MRM2: variants seen among roughly 807,000 people sequenced by gnomAD.
The protein encoded by MRM2 is rRNA methyltransferase 2, mitochondrial.
MRM2 carries 15 observed loss-of-function variants against 10.9 expected under a neutral mutation model. That is an observed-to-expected ratio of 1.37 (90% CI 0.92 to 2.11). The LOEUF (loss-of-function observed/expected upper bound fraction) is 2.11, where lower values mean the gene tolerates loss of function less well. MRM2 is among the 30% of genes most tolerant of loss of function. The pLI is 0.00. For synonymous variants in MRM2, 139 were observed against 128.7 expected, an observed-to-expected ratio of 1.08 and a Z score of -0.54; for missense variants, 328 against 321.3, an observed-to-expected ratio of 1.02 and a Z score of -0.16.
chr7:2,236,001 G>A (rs899252907), intron 2 of MRM2, among the ~76,000 whole-genome samples: 3 of 151,196 alleles, frequency 2.0e-5, no homozygotes, highest in South Asian at 2.1e-4. Flanking sequence ...AGGCTGACAC[G>A]GGTGGATCAC....
chr7:2,237,784 A>G (rs994171402), intron 2 of MRM2, among the ~76,000 whole-genome samples: 2 of 151,758 alleles, frequency 1.3e-5, no homozygotes, highest in African/African-American at 4.8e-5. Flanking sequence ...TCTACTAAAC[A>G]TACAAAAATT....
chr7:2,242,151 G>A lies in MRM2; in HGVS notation c.8+11C>T, dbSNP rs754225031. 72 of 1,582,226 alleles carry A rather than the reference G, an allele frequency of 4.6e-5. No individual in the cohort carries two copies. The highest frequency in any genetic ancestry group is 1.6e-4 in the East Asian group (7 of 42,470). On this transcript the variant is annotated intron_variant, in intron 1 of 2. Coordinates refer to ENST00000242257, the MANE Select transcript of MRM2 (RefSeq NM_013393.3). ...CGCTGTCTGCACGCGCAGCAGCAGCGCCCAGCTCACCCCGCCATTGGTGTT... is the reference window on the plus strand; with the variant it reads ...CGCTGTCTGCACGCGCAGCAGCAGCACCCAGCTCACCCCGCCATTGGTGTT...
intron 2 of MRM2, chr7:2,238,935 C>A: frequency 5.4e-6 from 1 of 186,540 alleles, no homozygotes; most frequent in Non-Finnish European, 1.0e-5. Flanking sequence ...AGTGAGACTC[C>A]ATCTGGAGGG....
At position 2,235,224 on chromosome 7, in the gene MRM2, C is replaced by G; in HGVS notation, c.639G>C (p.Gln213His). The change falls in exon 3 of 3, where the codon CAG becomes CAC. Residue 213 changes from glutamine (Q) to histidine (H), a missense_variant. Gln to His is a conservative substitution (Grantham distance 24, BLOSUM62 0). Transcript: ENST00000242257. ...RLQRRLTEEF[Q>H]NVRIIKPEAS... ...CTTCAGGTTTGATGATCCTTACATT[C>G]TGGAATTCCTCTGTCAGTCTCCTCT... The G allele has an allele frequency of 6.2e-7, 1 of 1,614,140 alleles. No individual in the cohort carries two copies. The highest frequency in any genetic ancestry group is 8.5e-7 in the Non-Finnish European group (1 of 1,179,984).
At chr7:2,237,451 T>C (rs889536053) in intron 2 of MRM2, among the ~76,000 whole-genome samples, 1 of 152,154 alleles carries the variant, frequency 6.6e-6, no homozygotes, top group Non-Finnish European at 1.5e-5. Context: ...GCTCTCTCCT[T>C]CTGTCACTTC....
intron 2 of MRM2, 39 bp downstream of exon 2, chr7:2,239,377 CAG>C: frequency 6.4e-7 from 1 of 1,573,834 alleles, no homozygotes. Context: ...CACTCAGCCT[CAG>C]GGGAGCCAGA....
At chr7:2,240,062 A>G (rs1794492818) in intron 1 of MRM2, among the ~76,000 whole-genome samples, 1 of 152,120 alleles carries the variant, frequency 6.6e-6, no homozygotes, top group African/African-American at 2.4e-5. Flanking sequence ...GTCTCTACTA[A>G]AATGCAAAAA....
At position 2,239,533 on chromosome 7, in the gene MRM2, C is replaced by T. The variant is rs1327830263; in HGVS notation, c.183G>A (p.Leu61=). Residue 61 remains leucine, a synonymous_variant, in exon 2 of 3, where the codon CTG becomes CTA. Coordinates refer to ENST00000242257, the MANE Select transcript of MRM2 (RefSeq NM_013393.3). ...GAATCTGGTGCCTCTCGTTCACCTC[C>T]AGGAGCTTGAAGGCGCTTCGACACC... ...SYRCRSAFKL[L]EVNERHQILR... The T allele has an allele frequency of 5.0e-6, 8 of 1,614,064 alleles. No individual in the cohort carries two copies. In the East Asian group the frequency reaches 1.1e-4, roughly 22 times the overall value.
In MRM2 at chr7:2,239,596, CCT is replaced by C; in HGVS notation, c.118_119del (p.Arg40GlyfsTer89). 2 of 1,614,116 alleles carry C rather than the reference CCT, an allele frequency of 1.2e-6. No homozygotes were observed. Among genetic ancestry groups the C allele is most frequent in the Non-Finnish European group, 1.7e-6 (2 of 1,180,034 alleles). ...AEHLWLTRHL[R>X]DPFVKAAKVE... is the part of the protein sequence containing the mutation. The stretch of plus-strand genomic sequence containing the variant: ...CCTTCGCAGCCTTCACAAATGGGTC[CCT>C]GAGATGTCGGGTCAGCCACAGGTGC... On this transcript the variant is annotated frameshift_variant, in exon 2 of 3. Transcript: ENST00000242257. LOFTEE classifies it high-confidence loss of function.
At chr7:2,241,948 G>C (rs545463519) in intron 1 of MRM2, 3 of 486,726 alleles carry the variant, frequency 6.2e-6, no homozygotes, top group Non-Finnish European at 1.1e-5. Flanking sequence ...GCCTCCCCAC[G>C]GCCCCGCCGG....
chr7:2,240,624 A>G (rs2115044431), intron 1 of MRM2, among the ~76,000 whole-genome samples: 1 of 152,288 alleles, frequency 6.6e-6, no homozygotes, highest in South Asian at 2.1e-4. Context: ...TTCACAGCCC[A>G]CAATAGCTAA....
intron 1 of MRM2, 27 bp downstream of exon 1, chr7:2,242,135 C>T: frequency 1.3e-6 from 2 of 1,583,016 alleles, no homozygotes; most frequent in South Asian, 1.1e-5. Flanking sequence ...CCGCTGTCTG[C>T]ACGCGCAGCA....
chr7:2,240,781 G>A (rs1029265296), intron 1 of MRM2, among the ~76,000 whole-genome samples: 6 of 151,612 alleles, frequency 4.0e-5, no homozygotes, highest in Admixed American at 3.3e-4. Flanking sequence ...TGCAGCCTCC[G>A]ACTCCCGGGT....
At chr7:2,240,858 G>A (rs1160666842) in intron 1 of MRM2, among the ~76,000 whole-genome samples, 5 of 152,016 alleles carry the variant, frequency 3.3e-5, no homozygotes, top group African/African-American at 7.2e-5. Context: ...TACCATGTCC[G>A]GCTAATGTTT....
chr7:2,237,555 C>T (rs1413299103), intron 2 of MRM2, among the ~76,000 whole-genome samples: 1 of 152,166 alleles, frequency 6.6e-6, no homozygotes, highest in African/African-American at 2.4e-5. Context: ...GAGGACTCCA[C>T]GGTGATAAGC....
chr7:2,241,005 T>C (rs1354847934), intron 1 of MRM2, among the ~76,000 whole-genome samples: 1 of 149,962 alleles, frequency 6.7e-6, no homozygotes, highest in African/African-American at 2.5e-5. Context: ...CATTTCTTTC[T>C]TCTTTTTGTT....
At position 2,235,152 on chromosome 7, in the gene MRM2, G is replaced by C. The variant is rs770250500; in HGVS notation, c.711C>G (p.Tyr237Ter). The change falls in exon 3 of 3, where the codon TAC (tyrosine) becomes TAG (stop). Residue 237 changes from tyrosine to a stop codon, truncating the protein, a stop_gained. Coordinates refer to ENST00000242257, the MANE Select transcript of MRM2 (RefSeq NM_013393.3). LOFTEE classifies it low-confidence loss of function (END_TRUNC). ...GCTTCACAGTGCCCTTCCTTCCGTG[G>C]TACTGTGTGGCCAAGAAGTACACTT... ...SSEVYFLATQ[Y>*]HGRKGTVKQ is the part of the protein sequence containing the mutation. 16 of 1,613,970 alleles carry C rather than the reference G, an allele frequency of 9.9e-6. No individual in the cohort carries two copies. In the South Asian group the frequency reaches 1.4e-4, roughly 14 times the overall value.
rs763596319 is a variant in MRM2, at chr7:2,239,727, G to C, written c.9-20C>G. 2.0e-5 allele frequency: 32 copies of C among 1,605,136 alleles called. No homozygotes were observed. The highest frequency in any genetic ancestry group is 1.2e-4 in the Admixed American group (7 of 59,782). ...AAGTACCTGGTGGGAGAGAAGAGGA[G>C]CAGGCAGGTTGGCATCACACAGAAC... On this transcript the variant is annotated intron_variant, in intron 1 of 2. Coordinates refer to ENST00000242257, the MANE Select transcript of MRM2 (RefSeq NM_013393.3).
rs1584627164 is a variant in MRM2, at chr7:2,239,803, G to A, written c.9-96C>T. 1.7e-5 allele frequency: 20 copies of A among 1,145,040 alleles called. No homozygotes were observed. The East Asian group carries it at 4.7e-4, about 27-fold the overall frequency. The allele number at this position is 1,145,040 out of a possible 1,614,324, so 70.9% of individuals were successfully genotyped here. On this transcript the variant is annotated intron_variant, in intron 1 of 2. Coordinates refer to ENST00000242257, the MANE Select transcript of MRM2 (RefSeq NM_013393.3). ...TCGGATCAACTCATTCATTTCTAGA[G>A]ATGGGGCACCAAGGCCCAGGAGGGG...
Sources: gnomAD v4.1 joint callset for allele counts (sites outside exome capture counted in the v4.1 genomes callset) on GRCh38, gnomAD v4.1.1 for gene constraint, MANE v1.5 for transcripts, NCBI Gene and HGNC (gene_info 2026-07-23, HGNC 2026-07-21) for gene names.